SLC22A15: variants seen among roughly 807,000 people sequenced by gnomAD.
The protein encoded by SLC22A15 is solute carrier family 22 member 15.
Under a neutral mutation model 62.7 loss-of-function variants are expected in SLC22A15, and 45 were observed. The observed-to-expected ratio is 0.72, with a 90% CI of 0.56 to 0.92. The LOEUF (loss-of-function observed/expected upper bound fraction) is 0.92, where lower values mean the gene tolerates loss of function less well. SLC22A15 is among the 40% of genes least tolerant of loss of function. The probability of loss-of-function intolerance (pLI) is 0.00; values close to 1 mark genes in which losing one functional copy is unlikely to be tolerated. For synonymous variants in SLC22A15, 264 were observed against 267.0 expected, an observed-to-expected ratio of 0.99 and a Z score of 0.11; for missense variants, 622 against 665.6, an observed-to-expected ratio of 0.93 and a Z score of 0.72.
chr1:116,015,349 T>C (rs1222023376), intron 2 of SLC22A15: 1 of 152,166 alleles, frequency 6.6e-6, no homozygotes, highest in Non-Finnish European at 1.5e-5. Flanking sequence ...TCAACTAGCA[T>C]TGACATGAAG....
chr1:116,056,748 G>A (rs1658218885), intron 8 of SLC22A15, among the ~76,000 whole-genome samples: 1 of 152,124 alleles, frequency 6.6e-6, no homozygotes, highest in South Asian at 2.1e-4. Context: ...CAGATGTAAC[G>A]CCGCATATCT....
At chr1:116,011,795 G>A (rs1003646112) in intron 2 of SLC22A15, among the ~76,000 whole-genome samples, 1 of 152,168 alleles carries the variant, frequency 6.6e-6, no homozygotes, top group African/African-American at 2.4e-5. Flanking sequence ...GATGCAAGTG[G>A]GGAGTGGGGA....
At chr1:116,015,710 C>G (rs1656489182) in intron 2 of SLC22A15, among the ~76,000 whole-genome samples, 1 of 152,084 alleles carries the variant, frequency 6.6e-6, no homozygotes, top group African/African-American at 2.4e-5. Context: ...ACTAAAGTTG[C>G]AGGCCAGATT....
rs946230911 is a variant in SLC22A15 at position 116,046,715 on chromosome 1, A to G, written c.1171+9327A>G. Among the ~76,000 whole-genome samples the G allele has an allele frequency of 3.3e-5, 5 of 152,210 alleles. No homozygotes were observed. In the East Asian group the frequency reaches 5.8e-4, roughly 18 times the overall value. On this transcript the variant is annotated intron_variant, in intron 8 of 11. Coordinates refer to ENST00000369503, the MANE Select transcript of SLC22A15 (RefSeq NM_018420.3). ...TCCTGCAGGACCCGGAGACATTCCA[A>G]ATACTGAGTGCCCCAATTTCGGAAG...
chr1:115,996,507 T>G (rs1474537328), intron 2 of SLC22A15, among the ~76,000 whole-genome samples: 1 of 152,104 alleles, frequency 6.6e-6, no homozygotes, highest in Non-Finnish European at 1.5e-5. Flanking sequence ...ATCTTTACTA[T>G]GCAAACCCTG....
At chr1:115,987,510 C>T (rs528008618) in intron 1 of SLC22A15, among the ~76,000 whole-genome samples, 19 of 152,046 alleles carry the variant, frequency 1.2e-4, no homozygotes, top group African/African-American at 3.1e-4. Context: ...CCAGTTACTC[C>T]GGGTGTGTTA....
At chr1:116,050,598 C>T (rs1279550826) in intron 8 of SLC22A15, among the ~76,000 whole-genome samples, 1 of 152,154 alleles carries the variant, frequency 6.6e-6, no homozygotes. Flanking sequence ...CAAAAGCCAT[C>T]TATGACAAAC....
chr1:116,021,686 T>C (rs1213368000), intron 4 of SLC22A15, among the ~76,000 whole-genome samples: 1 of 152,202 alleles, frequency 6.6e-6, no homozygotes. Flanking sequence ...GTGCCAGCCA[T>C]CTCTTATGTA....
rs1307233788 is a variant in SLC22A15 at position 115,992,107 on chromosome 1, T to C, written c.164T>C (p.Leu55Pro). The C allele has an allele frequency of 3.1e-6, 5 of 1,613,832 alleles. No individual in the cohort carries two copies. Among genetic ancestry groups the C allele is most frequent in the Middle Eastern group, 1.6e-4 (1 of 6,078 alleles). ...TPSYHWDLAE[L>P]LPNQSHGNQS... ...TCCTACCACTGGGACCTGGCAGAGCTCCTGCCAAATCAGAGCCACGGTAAC... is the reference window on the plus strand; with the variant it reads ...TCCTACCACTGGGACCTGGCAGAGCCCCTGCCAAATCAGAGCCACGGTAAC... The change falls in exon 2 of 12, where the codon CTC becomes CCC. Residue 55 changes from leucine (L) to proline (P), a missense_variant. Physicochemically the swap from Leu to Pro is moderately conservative, Grantham distance 98. Coordinates refer to ENST00000369503, the MANE Select transcript of SLC22A15 (RefSeq NM_018420.3).
At chr1:116,018,632 A>G (rs1256879687) in intron 2 of SLC22A15, among the ~76,000 whole-genome samples, 2 of 151,628 alleles carry the variant, frequency 1.3e-5, no homozygotes, top group Non-Finnish European at 2.9e-5. Flanking sequence ...CTTCCTTTTT[A>G]TTTTTTTAAT....
chr1:116,049,636 C>T (rs1658003861), intron 8 of SLC22A15, among the ~76,000 whole-genome samples: 1 of 152,100 alleles, frequency 6.6e-6, no homozygotes, highest in Non-Finnish European at 1.5e-5. Flanking sequence ...TAAACACCTA[C>T]ATCAAAAAGA....
intron 8 of SLC22A15, among the ~76,000 whole-genome samples, chr1:116,061,975 G>A (rs902565334): frequency 6.6e-6 from 1 of 152,154 alleles, no homozygotes; most frequent in Admixed American, 6.5e-5. Flanking sequence ...TTGGAAGGCT[G>A]AGGCAGGTGG....
At position 116,064,497 on chromosome 1, in the gene SLC22A15, A is replaced by C. The variant is rs766950287; in HGVS notation, c.1354A>C (p.Ile452Leu). 2 of 1,612,086 alleles carry C rather than the reference A, an allele frequency of 1.2e-6. No homozygotes were observed. The highest frequency in any genetic ancestry group is 1.3e-5 in the African/African-American group (1 of 74,958). The change falls in exon 10 of 12, where the codon ATC becomes CTC. Residue 452 changes from isoleucine to leucine, a missense_variant. Transcript: ENST00000369503. ...SRVGGIIAPF[I>L]PSLKYVQWSL... ...AGTTGGTGGGATTATTGCTCCCTTC[A>C]TCCCCTCACTGGTTGGTTTGTACCT...
At chr1:116,062,241 T>C (rs1658401638) in intron 8 of SLC22A15, among the ~76,000 whole-genome samples, 3 of 152,270 alleles carry the variant, frequency 2.0e-5, no homozygotes, top group South Asian at 2.1e-4. Context: ...TTAATGTCTT[T>C]GATCTTCTGA....
chr1:116,048,376 G>A (rs562453735), intron 8 of SLC22A15, among the ~76,000 whole-genome samples: 118 of 152,270 alleles, frequency 7.7e-4, no homozygotes, highest in African/African-American at 2.7e-3. Flanking sequence ...TCAGATTAAC[G>A]GCAGATTTCT....
intron 8 of SLC22A15, among the ~76,000 whole-genome samples, chr1:116,045,285 G>T (rs945346450): frequency 2.0e-5 from 3 of 151,938 alleles, no homozygotes; most frequent in Admixed American, 6.6e-5. Context: ...GATCTCAGGT[G>T]ATCTGCCCAC....
rs1014098677 is a variant in SLC22A15 at position 115,995,182 on chromosome 1, T to C, written c.300+2939T>C. Among the ~76,000 whole-genome samples, 8 of 152,334 alleles carry C rather than the reference T, an allele frequency of 5.3e-5. No homozygotes were observed. The South Asian group carries it at 1.2e-3, about 24-fold the overall frequency. On this transcript the variant is annotated intron_variant, in intron 2 of 11. Transcript: ENST00000369503. ...ACACACTATATCCATCTGCCCTTAG[T>C]GGTGATGTTAATTTTGATTAGCCAT...
At chr1:115,984,713 C>T (rs1654770224) in intron 1 of SLC22A15, among the ~76,000 whole-genome samples, 2 of 152,156 alleles carry the variant, frequency 1.3e-5, no homozygotes. Flanking sequence ...GGTTCCATGT[C>T]TTCAGGATGT....
chr1:115,988,660 AC>A (rs1334335868), intron 1 of SLC22A15, among the ~76,000 whole-genome samples: 1 of 150,592 alleles, frequency 6.6e-6, no homozygotes, highest in Non-Finnish European at 1.5e-5. Context: ...AGCTGGGATT[AC>A]AGGCATGTGC....
Sources: gnomAD v4.1 joint callset for allele counts (sites outside exome capture counted in the v4.1 genomes callset) on GRCh38, gnomAD v4.1.1 for gene constraint, MANE v1.5 for transcripts, NCBI Gene and HGNC (gene_info 2026-07-23, HGNC 2026-07-21) for gene names.